The following ZNF562 variants were observed in gnomAD, a reference collection of about 807,000 sequenced individuals.
ZNF562 encodes zinc finger protein 562.
Under a neutral mutation model 17.5 loss-of-function variants are expected in ZNF562, and 13 were observed. The observed-to-expected ratio is 0.74, with a 90% CI of 0.48 to 1.18. ZNF562 has a LOEUF of 1.18. Among genes scored for constraint, ZNF562 ranks in the 50% most tolerant of loss-of-function variants. ZNF562 has a pLI of 0.00. For missense variants in ZNF562, 481 were observed against 498.5 expected (o/e 0.96, Z 0.33); for synonymous variants, 163 against 165.4 (o/e 0.99, Z 0.11).
chr19:9,659,580 TAC>T, intron 2 of ZNF562, 113 bp from the exon 3 acceptor site: 27 of 1,293,098 alleles, frequency 2.1e-5, no homozygotes, highest in South Asian at 3.0e-5. Flanking sequence ...TCGAAAAAAC[TAC>T]ACACACACAA....
In ZNF562 at chr19:9,652,374, T is replaced by C. The variant is rs2074879938; in HGVS notation, c.*575A>G. 1 of 152,246 alleles carries C rather than the reference T, an allele frequency of 6.6e-6. No homozygotes were observed. The highest frequency in any genetic ancestry group is 2.1e-4 in the South Asian group (1 of 4,828). The allele number at this position is 152,246 out of a possible 1,614,324, so 9.4% of individuals were successfully genotyped here. On this transcript the variant is annotated 3_prime_UTR_variant, in exon 6 of 6. Coordinates refer to ENST00000453372, the MANE Select transcript of ZNF562 (RefSeq NM_001130031.2). Reference sequence around the variant, plus strand: ...GAAGAGAACCTTGGAGGAGCATCTTTTTAACAATCCACCTCTGGGGCCTAC... The same window carrying C: ...GAAGAGAACCTTGGAGGAGCATCTTCTTAACAATCCACCTCTGGGGCCTAC...
At position 9,649,370 on chromosome 19, in the gene ZNF562, G is replaced by A. The variant is rs1325167740; in HGVS notation, c.*3579C>T. The A allele has an allele frequency of 6.6e-6, 1 of 152,194 alleles. No homozygotes were observed. The highest frequency in any genetic ancestry group is 2.4e-5 in the African/African-American group (1 of 41,454). 9.4% of individuals were successfully genotyped at this position (152,194 alleles called of 1,614,324 possible). A position where few individuals can be genotyped will look rare whatever the true frequency, so the allele number is the denominator to read the frequency against. ...GAAAAAAGAACAGGATAACAGCAAT[G>A]TTTAGGAAACAAGAGAGATAACCTT... On this transcript the variant is annotated 3_prime_UTR_variant, in exon 6 of 6. Transcript: ENST00000453372.
Position 9,652,583 on chromosome 19 carries a change from T to C in ZNF562, c.*366A>G, listed in dbSNP as rs1183398561. On this transcript the variant is annotated 3_prime_UTR_variant, in exon 6 of 6. Transcript: ENST00000453372. ...TGACCTCACCATCCATGACCCTTCTTCACAGATGCCCAGACTCAGGTAACC... is the reference window on the plus strand; with the variant it reads ...TGACCTCACCATCCATGACCCTTCTCCACAGATGCCCAGACTCAGGTAACC... 2 of 170,662 alleles carry C rather than the reference T, an allele frequency of 1.2e-5. No individual in the cohort carries two copies. The highest frequency in any genetic ancestry group is 5.8e-5 in the Admixed American group (1 of 17,364). 10.6% of individuals were successfully genotyped at this position (170,662 alleles called of 1,614,324 possible). A position where few individuals can be genotyped will look rare whatever the true frequency, so the allele number is the denominator to read the frequency against.
chr19:9,658,164 G>A (rs781749739), intron 3 of ZNF562, 29 bp from the exon 4 acceptor site: 12 of 1,601,810 alleles, frequency 7.5e-6, no homozygotes, highest in African/African-American at 4.0e-5. Context: ...GCTGGTTTGA[G>A]CCAATGAACA....
At chr19:9,665,476 A>T (rs1312651695) in intron 1 of ZNF562, among the ~76,000 whole-genome samples, 1 of 152,134 alleles carries the variant, frequency 6.6e-6, no homozygotes, top group East Asian at 1.9e-4. Flanking sequence ...GAAGCATCAC[A>T]AGAGCCTGAA....
chr19:9,669,519 A>G (rs1274625384), intron 1 of ZNF562, among the ~76,000 whole-genome samples: 1 of 152,148 alleles, frequency 6.6e-6, no homozygotes, highest in Non-Finnish European at 1.5e-5. Context: ...AATATAAATT[A>G]GTACAGCCAC....
chr19:9,660,620 AAAAGC>A, intron 2 of ZNF562, 95 bp downstream of exon 2: 1 of 1,260,900 alleles, frequency 7.9e-7, no homozygotes, highest in Middle Eastern at 2.0e-4. Flanking sequence ...GAAAAAAAAA[AAAAGC>A]AGCATGCCTG....
chr19:9,669,726 GCGCGCGCGCACACACACA>G (rs1334924178), intron 1 of ZNF562, among the ~76,000 whole-genome samples: 10 of 85,054 alleles, frequency 1.2e-4, no homozygotes, highest in African/African-American at 3.6e-4. Flanking sequence ...GAGCGCGCGC[GCGCGCGCGCACACACACA>G]CACACACACA....
Position 9,649,052 on chromosome 19 carries a change from A to G in ZNF562, c.*3897T>C, listed in dbSNP as rs1023697959. ...GGGACTGGCTGAAGCCATGGCAGAA[A>G]AACATGGATTGTGAAGGTTTCATGG... is the stretch of plus-strand genomic sequence containing the variant. On this transcript the variant is annotated 3_prime_UTR_variant, in exon 6 of 6. Transcript: ENST00000453372. The G allele has an allele frequency of 5.3e-5, 8 of 152,292 alleles. No individual in the cohort carries two copies. Among genetic ancestry groups the G allele is most frequent in the African/African-American group, 1.9e-4 (8 of 41,460 alleles). 9.4% of individuals were successfully genotyped at this position (152,292 alleles called of 1,614,324 possible).
chr19:9,647,944 C>A lies in ZNF562; in HGVS notation c.*5005G>T, dbSNP rs2074820173. On this transcript the variant is annotated 3_prime_UTR_variant, in exon 6 of 6. Transcript: ENST00000453372. ...ATTTTTAAATAGAGATGTGGTTTCG[C>A]TATGTTGCCCAGGCTGGTTTGAACT... is the stretch of plus-strand genomic sequence containing the variant. The A allele has an allele frequency of 6.6e-6, 1 of 152,152 alleles. No individual in the cohort carries two copies. The highest frequency in any genetic ancestry group is 1.5e-5 in the Non-Finnish European group (1 of 68,024). 9.4% of individuals were successfully genotyped at this position (152,152 alleles called of 1,614,324 possible).
In ZNF562 at chr19:9,653,563, T is replaced by C; in HGVS notation, c.667A>G (p.Met223Val). Residue 223 changes from methionine (M) to valine (V), a missense_variant, in exon 6 of 6, where the codon ATG becomes GTG. Physicochemically the swap from Met to Val is conservative, Grantham distance 21 (BLOSUM62 1). This residue lies in a region of ZNF562 where 403 missense variants were observed against 386.4 expected (regional missense o/e 1.04). Coordinates refer to ENST00000453372, the MANE Select transcript of ZNF562 (RefSeq NM_001130031.2). ...FKYFASLDNH[M>V]GIHIGEKLCE... The stretch of plus-strand genomic sequence containing the variant: ...AGTTTCTCTCCAATGTGGATTCCCA[T>C]GTGATTATCAAGGCTTGCAAAATAC... The C allele has an allele frequency of 6.2e-7, 1 of 1,614,184 alleles. No individual in the cohort carries two copies. Among genetic ancestry groups the C allele is most frequent in the Non-Finnish European group, 8.5e-7 (1 of 1,180,022 alleles).
At position 9,653,653 on chromosome 19, in the gene ZNF562, C is replaced by T. The variant is rs764339982; in HGVS notation, c.577G>A (p.Val193Met). The change falls in exon 6 of 6, where the codon GTG (valine) becomes ATG (methionine). Residue 193 changes from valine (V) to methionine (M), a missense_variant. Transcript: ENST00000453372. ...KVFTLTPGLA[V>M]HLEILNGRQP... ...CTTCCATTGAGAATTTCAAGATGCA[C>T]AGCAAGGCCTGGAGTTAAGGTGAAG... 35 of 1,614,020 alleles carry T rather than the reference C, an allele frequency of 2.2e-5. No individual in the cohort carries two copies. The highest frequency in any genetic ancestry group is 2.9e-5 in the Non-Finnish European group (34 of 1,179,898).
chr19:9,669,723 C>CGAGCGCGCGA (rs1482759071), intron 1 of ZNF562, among the ~76,000 whole-genome samples: 21 of 79,850 alleles, frequency 2.6e-4, no homozygotes, highest in Non-Finnish European at 4.6e-4. Context: ...CGCGAGCGCG[C>CGAGCGCGCGA]GCGCGCGCGC....
intron 1 of ZNF562, among the ~76,000 whole-genome samples, chr19:9,662,347 G>A (rs557882876): frequency 6.6e-6 from 1 of 152,216 alleles, no homozygotes; most frequent in South Asian, 2.1e-4. Flanking sequence ...GCTGAGGCAG[G>A]CAGATCACCT....
In ZNF562 at chr19:9,651,191, C is replaced by G. The variant is rs2074862502; in HGVS notation, c.*1758G>C. On this transcript the variant is annotated 3_prime_UTR_variant, in exon 6 of 6. Coordinates refer to ENST00000453372, the MANE Select transcript of ZNF562 (RefSeq NM_001130031.2). ...TAGAGGCTGGAAAAATTCTGATGTG[C>G]AAGCTGGAAATAAGGTTGGTAAGGG... is the stretch of plus-strand genomic sequence containing the variant. The G allele has an allele frequency of 6.6e-6, 1 of 151,990 alleles. No homozygotes were observed. Among genetic ancestry groups the G allele is most frequent in the South Asian group, 2.1e-4 (1 of 4,822 alleles). The allele number at this position is 151,990 out of a possible 1,614,324, so 9.4% of individuals were successfully genotyped here. A position where few individuals can be genotyped will look rare whatever the true frequency, so the allele number is the denominator to read the frequency against.
rs183006983 is a variant in ZNF562, at chr19:9,668,560, A to G, written c.-131+6455T>C. 2.8e-4 allele frequency among the ~76,000 whole-genome samples: 43 copies of G among 152,310 alleles called. No homozygotes were observed. In the East Asian group the frequency reaches 7.3e-3, roughly 26 times the overall value. On this transcript the variant is annotated intron_variant, in intron 1 of 5. Coordinates refer to ENST00000453372, the MANE Select transcript of ZNF562 (RefSeq NM_001130031.2). ...CTACCCAAAGCAATTTACAATTAAG[A>G]GCAACCGTTATCAAAATAGCAATGA...
At position 9,659,425 on chromosome 19, in the gene ZNF562, G is replaced by C. The variant is rs1186523581; in HGVS notation, c.68C>G (p.Thr23Arg). The C allele has an allele frequency of 5.2e-6, 8 of 1,551,322 alleles. No individual in the cohort carries two copies. In the Admixed American group the frequency reaches 1.6e-4, roughly 30 times the overall value. ...GTCCTCTACCATCGTTCCTATCTTT[G>C]TCTTTTCTTCAAAAGGACAGATTGG... ...REPICPFEEK[T>R]KIGTMVEDHR... The change falls in exon 3 of 6, where the codon ACA (threonine) becomes AGA (arginine). Residue 23 changes from threonine (T) to arginine (R), a missense_variant. Thr to Arg is a moderately conservative substitution (Grantham distance 71). This residue lies in a region of ZNF562 where 403 missense variants were observed against 386.4 expected (regional missense o/e 1.04). Coordinates refer to ENST00000453372, the MANE Select transcript of ZNF562 (RefSeq NM_001130031.2).
intron 1 of ZNF562, among the ~76,000 whole-genome samples, chr19:9,671,376 C>T (rs1263259799): frequency 6.6e-6 from 1 of 152,072 alleles, no homozygotes; most frequent in Non-Finnish European, 1.5e-5. Flanking sequence ...GATGTCACTC[C>T]AAGTTACTGC....
chr19:9,657,969 G>A (rs941680628), intron 4 of ZNF562, 40 bp downstream of exon 4: 5 of 1,591,136 alleles, frequency 3.1e-6, no homozygotes, highest in East Asian at 2.3e-5. Context: ...GGGACTACAG[G>A]TGCAGGCCAC....
Sources: gnomAD v4.1 joint callset for allele counts (sites outside exome capture counted in the v4.1 genomes callset) on GRCh38, gnomAD v4.1.1 for gene constraint, gnomAD v4.1.1 regional missense constraint, MANE v1.5 for transcripts, NCBI Gene and HGNC (gene_info 2026-07-23, HGNC 2026-07-21) for gene names.